The following CD247 variants were observed in gnomAD, a reference collection of about 807,000 sequenced individuals.
CD247 encodes T-cell surface glycoprotein CD3 zeta chain.
CD247 carries 13 observed loss-of-function variants against 30.0 expected under a neutral mutation model. The observed-to-expected ratio is 0.43, with a 90% CI of 0.28 to 0.69. The LOEUF (loss-of-function observed/expected upper bound fraction) is 0.69. CD247 is among the 30% of genes least tolerant of loss of function. CD247 has a pLI of 0.16. For missense variants in CD247, 193 were observed against 212.6 expected (o/e 0.91, Z 0.57); for synonymous variants, 72 against 80.0 (o/e 0.90, Z 0.53).
intron 1 of CD247, among the ~76,000 whole-genome samples, chr1:167,478,307 G>C (rs1326499633): frequency 6.6e-6 from 1 of 152,216 alleles, no homozygotes; most frequent in African/African-American, 2.4e-5. Flanking sequence ...CGCAGTTAAT[G>C]GGACATGGAA....
At chr1:167,475,552 T>C (rs1395871284) in intron 1 of CD247, among the ~76,000 whole-genome samples, 1 of 152,186 alleles carries the variant, frequency 6.6e-6, no homozygotes, top group Non-Finnish European at 1.5e-5. Flanking sequence ...TATCAGTGGC[T>C]TTTGGTGTCA....
At chr1:167,448,430 C>T (rs1652193149) in intron 1 of CD247, 2 of 985,384 alleles carry the variant, frequency 2.0e-6, no homozygotes, top group Non-Finnish European at 2.4e-6. Context: ...ACCATTATAG[C>T]AGGTCATATT....
intron 1 of CD247, among the ~76,000 whole-genome samples, chr1:167,446,768 C>T (rs925395681): frequency 2.0e-5 from 3 of 152,044 alleles, no homozygotes; most frequent in East Asian, 1.9e-4. Flanking sequence ...CCGAGGCGGG[C>T]GGATCATGAG....
At chr1:167,450,441 C>A (rs763586159) in intron 1 of CD247, among the ~76,000 whole-genome samples, 3 of 152,082 alleles carry the variant, frequency 2.0e-5, no homozygotes, top group African/African-American at 2.4e-5. Context: ...CTGCAGTGAG[C>A]CCTGACCGTG....
At chr1:167,490,449 C>A (rs1381899497) in intron 1 of CD247, among the ~76,000 whole-genome samples, 2 of 151,164 alleles carry the variant, frequency 1.3e-5, no homozygotes, top group African/African-American at 4.9e-5. Context: ...ATGGTGAAAC[C>A]CCATCTCTAC....
intron 1 of CD247, among the ~76,000 whole-genome samples, chr1:167,446,491 G>A (rs1255240523): frequency 6.6e-6 from 1 of 152,170 alleles, no homozygotes; most frequent in African/African-American, 2.4e-5. Flanking sequence ...TGACAAGACC[G>A]ATTTCACGGG....
At chr1:167,459,576 C>G (rs759828622) in intron 1 of CD247, 6 of 152,172 alleles carry the variant, frequency 3.9e-5, no homozygotes, top group Non-Finnish European at 7.3e-5. Context: ...TTGTCTCAAA[C>G]TCCTGACTTC....
intron 1 of CD247, chr1:167,448,612 G>T: frequency 2.5e-6 from 2 of 799,020 alleles, no homozygotes; most frequent in Non-Finnish European, 3.0e-6. Flanking sequence ...AACGACTCCA[G>T]CTAATTTACT....
intron 1 of CD247, among the ~76,000 whole-genome samples, chr1:167,442,173 C>T (rs1651872575): frequency 6.6e-6 from 1 of 152,216 alleles, no homozygotes; most frequent in African/African-American, 2.4e-5. Flanking sequence ...AATGAGGAGA[C>T]TCAGATTTTA....
intron 1 of CD247, among the ~76,000 whole-genome samples, chr1:167,467,616 AGC>A (rs902097685): frequency 3.9e-5 from 6 of 152,320 alleles, no homozygotes; most frequent in Non-Finnish European, 5.9e-5. Flanking sequence ...TGTTAAGAGC[AGC>A]CTCTCCTTGG....
intron 1 of CD247, among the ~76,000 whole-genome samples, chr1:167,441,862 G>C (rs906661104): frequency 6.6e-6 from 1 of 152,238 alleles, no homozygotes; most frequent in African/African-American, 2.4e-5. Context: ...TGTAATCCCA[G>C]CACTTTGGGA....
intron 1 of CD247, chr1:167,448,379 G>T: frequency 1.0e-6 from 1 of 985,416 alleles, no homozygotes. Flanking sequence ...GTGGTGAGAG[G>T]GGTCCTCACC....
intron 1 of CD247, among the ~76,000 whole-genome samples, chr1:167,454,782 T>C (rs1035021543): frequency 6.6e-6 from 1 of 152,172 alleles, no homozygotes; most frequent in Non-Finnish European, 1.5e-5. Context: ...GGAGACCCTC[T>C]GGGCCTTGGG....
At chr1:167,473,315 C>G (rs1327207810) in intron 1 of CD247, among the ~76,000 whole-genome samples, 1 of 152,214 alleles carries the variant, frequency 6.6e-6, no homozygotes, top group Non-Finnish European at 1.5e-5. Flanking sequence ...ATCTCCTTCT[C>G]TCTGGGCCTT....
intron 2 of CD247, chr1:167,440,217 G>A (rs369814429): frequency 1.3e-5 from 3 of 239,976 alleles, no homozygotes; most frequent in South Asian, 1.2e-4. Context: ...CCAGCCCCAC[G>A]AAGAAATCCA....
chr1:167,507,955 C>T (rs545815757), intron 1 of CD247, among the ~76,000 whole-genome samples: 2 of 152,208 alleles, frequency 1.3e-5, no homozygotes, highest in East Asian at 3.9e-4. Context: ...TGAAACCAAA[C>T]GAGGAATTAG....
chr1:167,437,135 G>A (rs561288508), intron 4 of CD247, among the ~76,000 whole-genome samples: 1 of 152,274 alleles, frequency 6.6e-6, no homozygotes, highest in Non-Finnish European at 1.5e-5. Flanking sequence ...GGGTGTGGTG[G>A]CTCACGCCTG....
intron 1 of CD247, among the ~76,000 whole-genome samples, chr1:167,488,759 T>C (rs1485575767): frequency 6.6e-6 from 1 of 152,224 alleles, no homozygotes; most frequent in African/African-American, 2.4e-5. Flanking sequence ...TTGAGAGATT[T>C]TTGAAAAATA....
At chr1:167,479,837 C>A (rs765703567) in intron 1 of CD247, among the ~76,000 whole-genome samples, 1 of 152,204 alleles carries the variant, frequency 6.6e-6, no homozygotes, top group Non-Finnish European at 1.5e-5. Flanking sequence ...CTTCTGCAAA[C>A]GCCAGTTCTT....
Sources: allele counts gnomAD v4.1 joint callset (sites outside exome capture counted in the v4.1 genomes callset), GRCh38; gene constraint gnomAD v4.1.1; transcripts MANE v1.5; gene names NCBI Gene and HGNC (gene_info 2026-07-23, HGNC 2026-07-21).